AHCYL2: variants seen among roughly 807,000 people sequenced by gnomAD.
AHCYL2 encodes the protein adenosylhomocysteinase like 2, also known as S-adenosylhomocysteine hydrolase-like protein 2.
A neutral mutation model predicts 81.4 loss-of-function variants in AHCYL2; 28 were observed. That is an observed-to-expected ratio of 0.34 (90% CI 0.25 to 0.47). The LOEUF (loss-of-function observed/expected upper bound fraction) is 0.47, where lower values mean the gene tolerates loss of function less well. AHCYL2 is among the 20% of genes least tolerant of loss of function. The pLI, the probability that AHCYL2 is intolerant of heterozygous loss-of-function variation, is 1.00. For synonymous variants in AHCYL2, 272 were observed against 290.2 expected (o/e 0.94, Z 0.64); for missense variants, 551 against 785.1 (o/e 0.70, Z 3.56).
chr7:129,286,285 C>G (rs1796626429), intron 1 of AHCYL2, among the ~76,000 whole-genome samples: 1 of 152,060 alleles, frequency 6.6e-6, no homozygotes, highest in East Asian at 1.9e-4. Context: ...GAGTCTTGCT[C>G]TGTTGCCCAG....
Position 129,406,089 on chromosome 7 carries a change from A to AT in AHCYL2, c.1206+194dup, listed in dbSNP as rs1389112671. On this transcript the variant is annotated intron_variant, in intron 9 of 16. Transcript: ENST00000325006. This position sits in a 1 kb window ranked among gnomAD's most constrained non-coding sequence, Gnocchi z 4.3. The stretch of plus-strand genomic sequence containing the variant: ...GTTGCCGCCATTTTCCCTTAAGTTG[A>AT]TTTTCTGACTTGCTCCAGTACCACC... Among the ~76,000 whole-genome samples, 1 of 151,772 alleles carries AT rather than the reference A, an allele frequency of 6.6e-6. No homozygotes were observed. The highest frequency in any genetic ancestry group is 1.5e-5 in the Non-Finnish European group (1 of 67,948).
At chr7:129,386,518 T>C (rs1013500557) in intron 2 of AHCYL2, among the ~76,000 whole-genome samples, 4 of 151,718 alleles carry the variant, frequency 2.6e-5, no homozygotes, top group Admixed American at 2.0e-4. Flanking sequence ...AAGAAAAACA[T>C]TGGTTGAATT....
chr7:129,270,548 C>T (rs1198462824), intron 1 of AHCYL2, among the ~76,000 whole-genome samples: 6 of 152,066 alleles, frequency 3.9e-5, no homozygotes, highest in Admixed American at 3.3e-4. Flanking sequence ...TATTTTAAAT[C>T]TATAGCTGAG....
chr7:129,425,023 CA>C (rs1257030491), intron 14 of AHCYL2, 39 bp from the exon 15 acceptor site: 1 of 1,612,596 alleles, frequency 6.2e-7, no homozygotes, highest in Non-Finnish European at 8.5e-7. Context: ...GGTAGATTGC[CA>C]TGAATGGCAC....
At chr7:129,348,267 A>C (rs1387742707) in intron 1 of AHCYL2, among the ~76,000 whole-genome samples, 1 of 152,214 alleles carries the variant, frequency 6.6e-6, no homozygotes, top group African/African-American at 2.4e-5. Flanking sequence ...AATGTGCAGA[A>C]GTTAAAAAGA....
At chr7:129,369,784 G>A (rs918381068) in intron 1 of AHCYL2, among the ~76,000 whole-genome samples, 22 of 151,932 alleles carry the variant, frequency 1.4e-4, no homozygotes, top group African/African-American at 4.8e-4. Flanking sequence ...ACTCCTGACC[G>A]TAGGTGATCC....
intron 1 of AHCYL2, among the ~76,000 whole-genome samples, chr7:129,370,478 C>A (rs1324404833): frequency 1.2e-4 from 19 of 152,174 alleles, no homozygotes; most frequent in African/African-American, 4.3e-4. Context: ...GCGGGCAGAT[C>A]ACGAGGTCAG....
At chr7:129,339,917 T>TG (rs1491373650) in intron 1 of AHCYL2, among the ~76,000 whole-genome samples, 1 of 4,228 alleles carries the variant, frequency 2.4e-4, no homozygotes, top group Non-Finnish European at 1.5e-3. Context: ...TCCTCTGCTC[T>TG]TTTTTTTTTT....
At chr7:129,250,951 C>G (rs1760338666) in intron 1 of AHCYL2, among the ~76,000 whole-genome samples, 1 of 152,152 alleles carries the variant, frequency 6.6e-6, no homozygotes, top group African/African-American at 2.4e-5. Flanking sequence ...TCTAGGGTGT[C>G]TAGATTGTGA....
intron 1 of AHCYL2, among the ~76,000 whole-genome samples, chr7:129,344,810 A>G (rs1793303541): frequency 6.6e-6 from 1 of 152,148 alleles, no homozygotes; most frequent in Non-Finnish European, 1.5e-5. Context: ...CGGGGAGGAA[A>G]AAAAAGAGTT....
intron 1 of AHCYL2, among the ~76,000 whole-genome samples, chr7:129,260,964 A>G (rs1214998515): frequency 6.6e-6 from 1 of 151,930 alleles, no homozygotes; most frequent in Non-Finnish European, 1.5e-5. Flanking sequence ...AATTTTTTGT[A>G]TCTTTAGTAG....
intron 1 of AHCYL2, among the ~76,000 whole-genome samples, chr7:129,294,749 A>C (rs1410980140): frequency 6.6e-6 from 1 of 152,222 alleles, no homozygotes; most frequent in African/African-American, 2.4e-5. Flanking sequence ...AGGAGATTGC[A>C]ATATGTGATG....
chr7:129,387,715 T>C (rs78540901), intron 2 of AHCYL2, among the ~76,000 whole-genome samples: 2,744 of 152,298 alleles, frequency 0.018, 48 homozygotes, highest in Non-Finnish European at 0.028. Flanking sequence ...TGGGTTCTGT[T>C]GCCAAAAGTA....
intron 1 of AHCYL2, among the ~76,000 whole-genome samples, chr7:129,272,734 C>A (rs1425241166): frequency 6.6e-6 from 1 of 151,958 alleles, no homozygotes; most frequent in Non-Finnish European, 1.5e-5. Context: ...AAAAATGTTA[C>A]CTAGTTTTTT....
rs778519128 is a variant in AHCYL2, at chr7:129,225,286, C to T, written c.210C>T (p.Ala70=). 2 of 1,463,796 alleles carry T rather than the reference C, an allele frequency of 1.4e-6. No individual in the cohort carries two copies. The highest frequency in any genetic ancestry group is 1.8e-6 in the Non-Finnish European group (2 of 1,116,262). 90.7% of individuals were successfully genotyped at this position (1,463,796 alleles called of 1,614,324 possible). A position where few individuals can be genotyped will look rare whatever the true frequency, so the allele number is the denominator to read the frequency against. Residue 70 remains alanine (A), a synonymous_variant, in exon 1 of 17, where the codon GCC becomes GCT. Coordinates refer to ENST00000325006, the MANE Select transcript of AHCYL2 (RefSeq NM_015328.4). ...PPVPGPGSGP[A]AALSPAAGKV... ...TCCCCGGCCCGGGCTCGGGGCCCGCCGCCGCTCTCAGCCCCGCCGCCGGGA... is the reference window on the plus strand; with the variant it reads ...TCCCCGGCCCGGGCTCGGGGCCCGCTGCCGCTCTCAGCCCCGCCGCCGGGA...
At position 129,281,465 on chromosome 7, in the gene AHCYL2, T is replaced by C. The variant is rs182340897; in HGVS notation, c.363+56026T>C. 3.3e-5 allele frequency among the ~76,000 whole-genome samples: 5 copies of C among 151,616 alleles called. No homozygotes were observed. In the East Asian group the frequency reaches 9.7e-4, roughly 29 times the overall value. On this transcript the variant is annotated intron_variant, in intron 1 of 16. Transcript: ENST00000325006. ...TTTTCTTTCTTCTGGTTGCTTTGTA[T>C]TTTATTAGTTCTTCTGTTTCTAGAT...
At chr7:129,392,498 T>C (rs1186157086) in intron 4 of AHCYL2, among the ~76,000 whole-genome samples, 1 of 152,230 alleles carries the variant, frequency 6.6e-6, no homozygotes, top group African/African-American at 2.4e-5. Context: ...AGAAATCTCA[T>C]GTCTAATCAC....
At chr7:129,381,129 G>A (rs1794935525) in intron 2 of AHCYL2, among the ~76,000 whole-genome samples, 1 of 152,176 alleles carries the variant, frequency 6.6e-6, no homozygotes, top group Non-Finnish European at 1.5e-5. Flanking sequence ...TGTGAAAAAT[G>A]TGAATTGTAA....
intron 1 of AHCYL2, among the ~76,000 whole-genome samples, chr7:129,235,257 CT>C (rs74870180): frequency 5.2e-3 from 746 of 144,680 alleles, no homozygotes; most frequent in African/African-American, 0.013. Flanking sequence ...CATTCTTCTT[CT>C]TTTTTTTTTT....
Sources: gnomAD v4.1 joint callset for allele counts (sites outside exome capture counted in the v4.1 genomes callset) on GRCh38, gnomAD v4.1.1 for gene constraint, Gnocchi (gnomAD v3.1) non-coding constraint, MANE v1.5 for transcripts, NCBI Gene and HGNC (gene_info 2026-07-23, HGNC 2026-07-21) for gene names.